TRIM21: variants seen among roughly 807,000 people sequenced by gnomAD.
TRIM21 encodes the protein tripartite motif containing 21.
In TRIM21, 35 loss-of-function variants were observed where a neutral mutation model predicts 36.1. The ratio of observed to expected loss-of-function variants is 0.97; its 90% CI spans 0.74 to 1.28. The LOEUF (loss-of-function observed/expected upper bound fraction) is 1.28. TRIM21 is among the 50% of genes most tolerant of loss of function. The probability of loss-of-function intolerance (pLI) is 0.00; values close to 1 mark genes in which losing one functional copy is unlikely to be tolerated. For missense variants in TRIM21, 635 were observed against 570.7 expected (o/e 1.11, Z -1.15); for synonymous variants, 256 against 211.5 (o/e 1.21, Z -1.83).
At chr11:4,392,392 C>T (rs2094963989) in intron 1 of TRIM21, among the ~76,000 whole-genome samples, 1 of 152,010 alleles carries the variant, frequency 6.6e-6, no homozygotes, top group Admixed American at 6.6e-5. Flanking sequence ...TATGGTAAAA[C>T]CCTGTCTCTA....
At chr11:4,393,436 C>T (rs2094965528) in intron 1 of TRIM21, among the ~76,000 whole-genome samples, 197 bp downstream of exon 1, 1 of 152,144 alleles carries the variant, frequency 6.6e-6, no homozygotes, top group Admixed American at 6.5e-5. Context: ...CAGTCAGGTC[C>T]ACACCCCAGC....
At chr11:4,388,667 G>A (rs915956) in intron 3 of TRIM21, 137 bp from the exon 4 acceptor site, 115,431 of 758,104 alleles carry the variant, frequency 0.15, 9,122 homozygotes, top group Middle Eastern at 0.2. Flanking sequence ...ACATGCACAC[G>A]CACACGCGCG....
At chr11:4,387,251 GTTTTTT>G (rs10700793) in intron 4 of TRIM21, among the ~76,000 whole-genome samples, 1 of 131,432 alleles carries the variant, frequency 7.6e-6, no homozygotes, top group Non-Finnish European at 1.7e-5. Context: ...TCAAAGACCA[GTTTTTT>G]TTTTTTTTCC....
chr11:4,389,576 G>C (rs544318308), intron 3 of TRIM21, 78 bp downstream of exon 3: 1 of 1,215,888 alleles, frequency 8.2e-7, no homozygotes, highest in Admixed American at 1.7e-5. Context: ...GCACAGCTAC[G>C]GTTAAGGCTG....
Position 4,386,948 on chromosome 11 carries a change from CA to C in TRIM21, c.758+19del. On this transcript the variant is annotated intron_variant, in intron 5 of 6. Coordinates refer to ENST00000254436, the MANE Select transcript of TRIM21 (RefSeq NM_003141.4). ...TGCTTTCTGCTGGCCCCTCTTCTAA[CA>C]AAGAAAACTCCTCCTTACCTTTCCA... 3.8e-6 allele frequency: 6 copies of C among 1,580,174 alleles called. No individual in the cohort carries two copies. The highest frequency in any genetic ancestry group is 5.2e-6 in the Non-Finnish European group (6 of 1,161,414).
At chr11:4,392,975 G>A (rs546762842) in intron 1 of TRIM21, among the ~76,000 whole-genome samples, 8 of 152,208 alleles carry the variant, frequency 5.3e-5, no homozygotes, top group Admixed American at 5.2e-4. Context: ...CTATAACGGC[G>A]GAAGTCAGTT....
chr11:4,390,796 A>G lies in TRIM21; in HGVS notation c.-49-338T>C, dbSNP rs115001393. 1.0e-2 allele frequency among the ~76,000 whole-genome samples: 1,521 copies of G among 152,352 alleles called. 21 individuals are homozygous for G. Among genetic ancestry groups the G allele is most frequent in the African/African-American group, 0.034 (1,406 of 41,586 alleles). On this transcript the variant is annotated intron_variant, in intron 1 of 6. Coordinates refer to ENST00000254436, the MANE Select transcript of TRIM21 (RefSeq NM_003141.4). ...TACATCCACAGTGAGCACATTTTCAACAAAGCTACCAAGAACATACAGTGA... is the reference window on the plus strand; with the variant it reads ...TACATCCACAGTGAGCACATTTTCAGCAAAGCTACCAAGAACATACAGTGA...
intron 3 of TRIM21, 36 bp downstream of exon 3, chr11:4,389,618 T>C: frequency 1.3e-6 from 2 of 1,584,266 alleles, no homozygotes; most frequent in Non-Finnish European, 1.7e-6. Flanking sequence ...TGCCCAGCCT[T>C]CCAGCCTAAG....
rs369768981 is a variant in TRIM21, at chr11:4,388,462, T to C, written c.573A>G (p.Glu191=). 81 of 1,613,500 alleles carry C rather than the reference T, an allele frequency of 5.0e-5. No individual in the cohort carries two copies. Among genetic ancestry groups the C allele is most frequent in the Non-Finnish European group, 6.7e-5 (79 of 1,179,892 alleles). ...GCTCCTGCAGCTGCCTCTGTTCTTC[T>C]TCAACCAGGAAGTTTTTTTGCTGCA... ...EFVQQKNFLV[E]EEQRQLQELE... is the part of the protein sequence containing the mutation. Residue 191 remains glutamate, a synonymous_variant, in exon 4 of 7, where the codon GAA becomes GAG. Coordinates refer to ENST00000254436, the MANE Select transcript of TRIM21 (RefSeq NM_003141.4).
Position 4,389,733 on chromosome 11 carries a change from G to T in TRIM21, c.425C>A (p.Ala142Glu), listed in dbSNP as rs748866982. The T allele has an allele frequency of 6.2e-7, 1 of 1,613,856 alleles. No individual in the cohort carries two copies. The highest frequency in any genetic ancestry group is 8.5e-7 in the Non-Finnish European group (1 of 1,179,838). The change falls in exon 3 of 7, where the codon GCA (alanine) becomes GAA (glutamate). Residue 142 changes from alanine (A) to glutamate (E), a missense_variant. Transcript: ENST00000254436. ...AQEYQEKLQV[A>E]LGELRRKQEL... is the part of the protein sequence containing the mutation. The stretch of plus-strand genomic sequence containing the variant: ...CTGCTTTCTTCTCAGTTCCCCTAAT[G>T]CCACCTGGAGCTTCTCCTGCAGAGA...
At chr11:4,393,495 T>C (rs1427566273) in intron 1 of TRIM21, 138 bp downstream of exon 1, 2 of 152,508 alleles carry the variant, frequency 1.3e-5, no homozygotes, top group Non-Finnish European at 2.9e-5. Context: ...GGTCTTGGGT[T>C]GAGGGATCCC....
intron 6 of TRIM21, 33 bp downstream of exon 6, chr11:4,386,124 C>T: frequency 1.2e-6 from 2 of 1,601,020 alleles, no homozygotes; most frequent in Non-Finnish European, 1.7e-6. Context: ...CTCTGCACCC[C>T]ATTATCCCCC....
In TRIM21 at chr11:4,389,989, T is replaced by G; in HGVS notation, c.408+13A>C. 1 of 1,612,426 alleles carries G rather than the reference T, an allele frequency of 6.2e-7. No individual in the cohort carries two copies. On this transcript the variant is annotated intron_variant, in intron 2 of 6. Coordinates refer to ENST00000254436, the MANE Select transcript of TRIM21 (RefSeq NM_003141.4). ...GAAAACGAAGCACTCACCAGGTGTC[T>G]CTTAGGCCTCACCTGGTACTCCTGT... is the stretch of plus-strand genomic sequence containing the variant.
At position 4,388,399 on chromosome 11, in the gene TRIM21, C is replaced by A. The variant is rs200781638; in HGVS notation, c.636G>T (p.Gly212=). ...KDEREQLRIL[G]EKEAKLAQQS... ...GCTGGGCCAGCTTGGCCTCTTTCTC[C>A]CCCAGGATTCTCAGCTGCTCCCTCT... Residue 212 remains glycine (G), a synonymous_variant, in exon 4 of 7, where the codon GGG becomes GGT. Coordinates refer to ENST00000254436, the MANE Select transcript of TRIM21 (RefSeq NM_003141.4). 1.6e-4 allele frequency: 251 copies of A among 1,613,980 alleles called. No homozygotes were observed. The African/African-American group carries it at 3.1e-3, about 20-fold the overall frequency.
intron 4 of TRIM21, among the ~76,000 whole-genome samples, chr11:4,387,584 A>G (rs2094957888): frequency 6.6e-6 from 1 of 152,144 alleles, no homozygotes; most frequent in East Asian, 1.9e-4. Flanking sequence ...AGACAGGTGT[A>G]GTGGCTCACT....
chr11:4,390,623 G>C (rs2094962013), intron 1 of TRIM21, among the ~76,000 whole-genome samples, 165 bp from the exon 2 acceptor site: 1 of 152,082 alleles, frequency 6.6e-6, no homozygotes, highest in Non-Finnish European at 1.5e-5. Context: ...AATAGCCAAA[G>C]CTATCCTGAG....
chr11:4,392,146 T>C (rs1256673306), intron 1 of TRIM21, among the ~76,000 whole-genome samples: 1 of 152,120 alleles, frequency 6.6e-6, no homozygotes, highest in African/African-American at 2.4e-5. Context: ...ATGTGATTAT[T>C]ACACATTGTA....
At chr11:4,388,165 C>T (rs989660038) in intron 4 of TRIM21, 135 bp downstream of exon 4, 106 of 783,710 alleles carry the variant, frequency 1.4e-4, no homozygotes, top group Non-Finnish European at 3.2e-5. Context: ...GCGAACCTTT[C>T]ATGGGTTTGA....
At position 4,390,353 on chromosome 11, in the gene TRIM21, G is replaced by A; in HGVS notation, c.57C>T (p.Cys19=). The A allele has an allele frequency of 6.2e-7, 1 of 1,613,846 alleles. No homozygotes were observed. The highest frequency in any genetic ancestry group is 8.5e-7 in the Non-Finnish European group (1 of 1,179,810). The stretch of plus-strand genomic sequence containing the variant: ...TCACAGGCTCCACGAAGGGGTCCAG[G>A]CAGATAGGGCATGTGACCTCCTCCC... ...MMWEEVTCPI[C]LDPFVEPVSI... is the part of the protein sequence containing the mutation. The change falls in exon 2 of 7, where the codon TGC becomes TGT. Residue 19 remains cysteine (C), a synonymous_variant. Transcript: ENST00000254436.
Sources: gnomAD v4.1 joint callset for allele counts (sites outside exome capture counted in the v4.1 genomes callset) on GRCh38, gnomAD v4.1.1 for gene constraint, MANE v1.5 for transcripts, NCBI Gene and HGNC (gene_info 2026-07-23, HGNC 2026-07-21) for gene names.